The following CSMD1 variants were observed in gnomAD, a reference collection of about 807,000 sequenced individuals.
CSMD1 encodes the protein CUB and sushi domain-containing protein 1.
In CSMD1, 213 loss-of-function variants were observed where a neutral mutation model predicts 417.5. That is an observed-to-expected ratio of 0.51 (90% CI 0.46 to 0.57). CSMD1 has a LOEUF of 0.57. Among genes scored for constraint, CSMD1 ranks in the 20% least tolerant of loss-of-function variants. The probability of loss-of-function intolerance (pLI) is 0.00; values close to 1 mark genes in which losing one functional copy is unlikely to be tolerated. For synonymous variants in CSMD1, 2,862 were observed against 1,736.8 expected (o/e 1.65, Z -16.11); for missense variants, 6,923 against 4,529.7 (o/e 1.53, Z -15.17).
At chr8:4,478,926 G>C (rs918323046) in intron 2 of CSMD1, among the ~76,000 whole-genome samples, 8 of 152,146 alleles carry the variant, frequency 5.3e-5, no homozygotes, top group Admixed American at 2.0e-4. Flanking sequence ...AATTGTACTT[G>C]ACTGACCTTA....
chr8:4,675,955 G>A (rs1295258371), intron 1 of CSMD1, among the ~76,000 whole-genome samples: 1 of 152,166 alleles, frequency 6.6e-6, no homozygotes, highest in African/African-American at 2.4e-5. Flanking sequence ...TTGTTTTATG[G>A]ATGTGTCTGC....
rs777182434 is a variant in CSMD1 at position 2,955,627 on chromosome 8, G to A, written c.9956C>T (p.Ala3319Val). The part of the protein sequence containing the change: ...AGGSEHRTCK[A>V]DMKWTGKSPV... The stretch of plus-strand genomic sequence containing the variant: ...CGACTTTCCTGTCCATTTCATGTCT[G>A]CTTTACATGTTCTGTGCTCAGATCC... The change falls in exon 64 of 70, where the codon GCA becomes GTA. Residue 3319 changes from alanine to valine, a missense_variant. Coordinates refer to ENST00000635120, the MANE Select transcript of CSMD1 (RefSeq NM_033225.6). The A allele has an allele frequency of 3.1e-6, 5 of 1,613,752 alleles. No homozygotes were observed. Among genetic ancestry groups the A allele is most frequent in the Non-Finnish European group, 3.4e-6 (4 of 1,179,770 alleles).
At chr8:4,165,770 G>A (rs78910611) in intron 3 of CSMD1, among the ~76,000 whole-genome samples, 2 of 152,262 alleles carry the variant, frequency 1.3e-5, no homozygotes, top group Admixed American at 6.5e-5. Context: ...CATGCCATGA[G>A]GTGTTAGCTC....
At chr8:3,455,230 T>G (rs1385977714) in intron 12 of CSMD1, among the ~76,000 whole-genome samples, 1 of 151,950 alleles carries the variant, frequency 6.6e-6, no homozygotes, top group Non-Finnish European at 1.5e-5. Flanking sequence ...TTTTTCAAGG[T>G]TTTTAACTTC....
At chr8:3,109,209 G>A (rs576995066) in intron 43 of CSMD1, among the ~76,000 whole-genome samples, 70 of 152,334 alleles carry the variant, frequency 4.6e-4, no homozygotes, top group Non-Finnish European at 8.2e-4. Flanking sequence ...TGGTTCCAGT[G>A]AGCCAAGATC....
intron 1 of CSMD1, among the ~76,000 whole-genome samples, chr8:4,748,884 T>C (rs961206000): frequency 6.6e-6 from 1 of 152,250 alleles, no homozygotes; most frequent in African/African-American, 2.4e-5. Context: ...AACAAAGTTA[T>C]TCCGGTCCTG....
intron 1 of CSMD1, among the ~76,000 whole-genome samples, chr8:4,918,262 G>A (rs4504658): frequency 0.98 from 148,873 of 152,306 alleles, 72,813 homozygotes; most frequent in East Asian, 1. Flanking sequence ...TGCGAAGCAT[G>A]TGAGCTTTCT....
At chr8:4,234,048 A>C (rs755549909) in intron 3 of CSMD1, among the ~76,000 whole-genome samples, 12 of 152,122 alleles carry the variant, frequency 7.9e-5, no homozygotes, top group Admixed American at 7.9e-4. Flanking sequence ...TCAGCCAGTG[A>C]AACAGATAAG....
rs545735483 is a variant in CSMD1 at position 4,076,909 on chromosome 8, G to C, written c.416-44810C>G. The stretch of plus-strand genomic sequence containing the variant: ...CAGTCTGAAGAACTACTGAAATTTT[G>C]AACTATAACATGGATATCAGTAAAA... On this transcript the variant is annotated intron_variant, in intron 3 of 69. Transcript: ENST00000635120. 3.3e-5 allele frequency among the ~76,000 whole-genome samples: 5 copies of C among 152,030 alleles called. No individual in the cohort carries two copies. The East Asian group carries it at 7.7e-4, about 24-fold the overall frequency.
At chr8:4,906,708 C>A (rs138585000) in intron 1 of CSMD1, among the ~76,000 whole-genome samples, 1 of 152,144 alleles carries the variant, frequency 6.6e-6, no homozygotes, top group African/African-American at 2.4e-5. Flanking sequence ...AGGCGCATGC[C>A]ACCATGTCCA....
chr8:3,928,574 A>G (rs1481241534), intron 5 of CSMD1, among the ~76,000 whole-genome samples: 1 of 136,552 alleles, frequency 7.3e-6, no homozygotes, highest in African/African-American at 2.7e-5. Flanking sequence ...TCAGATCTAC[A>G]AGTAGTTCCA....
chr8:4,212,922 A>T lies in CSMD1; in HGVS notation c.416-180823T>A, dbSNP rs1313831121. On this transcript the variant is annotated intron_variant, in intron 3 of 69. Coordinates refer to ENST00000635120, the MANE Select transcript of CSMD1 (RefSeq NM_033225.6). ...AGCTGGAAAGAAGACACTTCTTCTC[A>T]TTCCCAACTAGCTTTCCTTCCCTCA... Among the ~76,000 whole-genome samples, 4 of 152,084 alleles carry T rather than the reference A, an allele frequency of 2.6e-5. 1 individual carries two copies. In the East Asian group the frequency reaches 5.8e-4, roughly 22 times the overall value.
chr8:4,011,163 T>C (rs1019141208), intron 4 of CSMD1, among the ~76,000 whole-genome samples: 1 of 152,186 alleles, frequency 6.6e-6, no homozygotes, highest in African/African-American at 2.4e-5. Context: ...ACTTATAAAA[T>C]ATCTTTCCTG....
intron 3 of CSMD1, among the ~76,000 whole-genome samples, chr8:4,402,492 C>A (rs558031776): frequency 6.6e-6 from 1 of 152,124 alleles, no homozygotes; most frequent in African/African-American, 2.4e-5. Context: ...CATGACCACT[C>A]CTCTCCCAAG....
At chr8:4,763,192 G>A (rs752737726) in intron 1 of CSMD1, among the ~76,000 whole-genome samples, 1 of 152,184 alleles carries the variant, frequency 6.6e-6, no homozygotes, top group Non-Finnish European at 1.5e-5. Context: ...AGATCTGGGG[G>A]TAGAATTGAC....
chr8:3,136,965 T>A (rs1362089651), intron 41 of CSMD1, among the ~76,000 whole-genome samples: 1 of 152,176 alleles, frequency 6.6e-6, no homozygotes, highest in Non-Finnish European at 1.5e-5. Context: ...ATTTTATTAT[T>A]TTAATTGAGA....
rs111737929 is a variant in CSMD1 at position 4,329,174 on chromosome 8, A to C, written c.415+90779T>G. On this transcript the variant is annotated intron_variant, in intron 3 of 69. Transcript: ENST00000635120. ...AATGCACGGTTCTCATCAAGCCCAT[A>C]ATGGAGAATAACAAGTATAGAGATG... Among the ~76,000 whole-genome samples, 1,449 of 152,334 alleles carry C rather than the reference A, an allele frequency of 9.5e-3. 19 individuals are homozygous for C. The highest frequency in any genetic ancestry group is 0.033 in the African/African-American group (1,372 of 41,570).
intron 37 of CSMD1, among the ~76,000 whole-genome samples, chr8:3,165,861 G>A (rs541296794): frequency 6.6e-6 from 1 of 152,114 alleles, no homozygotes. Flanking sequence ...CCTTCTGAGA[G>A]AGAAATCAAC....
At chr8:4,172,482 G>A (rs1263130665) in intron 3 of CSMD1, among the ~76,000 whole-genome samples, 1 of 151,464 alleles carries the variant, frequency 6.6e-6, no homozygotes, top group Non-Finnish European at 1.5e-5. Flanking sequence ...TTATTCACAT[G>A]ACAATTAAAA....
Sources: gnomAD v4.1 joint callset for allele counts (sites outside exome capture counted in the v4.1 genomes callset) on GRCh38, gnomAD v4.1.1 for gene constraint, MANE v1.5 for transcripts, NCBI Gene and HGNC (gene_info 2026-07-23, HGNC 2026-07-21) for gene names.